The following NBPF15 variants were observed in gnomAD, a reference collection of about 807,000 sequenced individuals.
The protein encoded by NBPF15 is NBPF member 15.
A neutral mutation model predicts 62.2 loss-of-function variants in NBPF15; 74 were observed. The observed-to-expected ratio is 1.19, with a 90% CI of 0.99 to 1.44. The LOEUF (loss-of-function observed/expected upper bound fraction) is 1.44, where lower values mean the gene tolerates loss of function less well. NBPF15 is among the 40% of genes most tolerant of loss of function. The pLI is 0.00. For synonymous variants in NBPF15, 244 were observed against 209.7 expected, an observed-to-expected ratio of 1.16 and a Z score of -1.41; for missense variants, 790 against 550.0, an observed-to-expected ratio of 1.44 and a Z score of -4.36.
chr1:144,452,182 G>T (rs182324084), intron 4 of NBPF15, among the ~76,000 whole-genome samples: 1 of 151,856 alleles, frequency 6.6e-6, no homozygotes, highest in African/African-American at 2.4e-5. Flanking sequence ...AAATAAAGAC[G>T]GTTCACTACT....
chr1:144,436,618 C>A (rs1402862209), intron 10 of NBPF15, among the ~76,000 whole-genome samples: 2 of 152,046 alleles, frequency 1.3e-5, no homozygotes, highest in Non-Finnish European at 2.9e-5. Context: ...CTGCTCCCAT[C>A]GCAGCCTCCT....
In NBPF15 at chr1:144,426,441, C is replaced by G; in HGVS notation, c.1275G>C (p.Arg425Ser). Residue 425 changes from arginine to serine, a missense_variant, in exon 18 of 22, where the codon AGG becomes AGC. Transcript: ENST00000581897. ...DQDPSCPRLS[R>S]ELLDEKEPEV... ...CAGGCTCTTTCTCATCCAGCAGCTCCCTGCTGAGCCTGGAAAAGTAGGAAA... is the reference window on the plus strand; with the variant it reads ...CAGGCTCTTTCTCATCCAGCAGCTCGCTGCTGAGCCTGGAAAAGTAGGAAA... 1 of 789,766 alleles carries G rather than the reference C, an allele frequency of 1.3e-6. No homozygotes were observed. 48.9% of individuals were successfully genotyped at this position (789,766 alleles called of 1,614,324 possible). A position where few individuals can be genotyped will look rare whatever the true frequency, so the allele number is the denominator to read the frequency against.
intron 14 of NBPF15, among the ~76,000 whole-genome samples, chr1:144,429,271 A>G (rs1289147432): frequency 6.7e-6 from 1 of 148,838 alleles, no homozygotes; most frequent in Non-Finnish European, 1.5e-5. Flanking sequence ...TGAGAAGTAG[A>G]CAAGGGTGAC....
intron 1 of NBPF15, 86 bp downstream of exon 1, chr1:144,461,295 A>ACCCCCCCC (rs1406971845): frequency 1.6e-4 from 15 of 94,498 alleles, no homozygotes; most frequent in Non-Finnish European, 2.5e-4. Flanking sequence ...CCAACCCCCC[A>ACCCCCCCC]CCCCGCCTCG....
At chr1:144,445,343 A>ATG (rs1164543049) in intron 6 of NBPF15, among the ~76,000 whole-genome samples, 4 of 124,742 alleles carry the variant, frequency 3.2e-5, no homozygotes, top group African/African-American at 1.3e-4. Context: ...ATATATATAT[A>ATG]TATATATATA....
At position 144,426,313 on chromosome 1, in the gene NBPF15, T is replaced by A; in HGVS notation, c.1403A>T (p.Glu468Val). 2.7e-6 allele frequency: 2 copies of A among 734,982 alleles called. No individual in the cohort carries two copies. The highest frequency in any genetic ancestry group is 2.5e-6 in the Non-Finnish European group (1 of 398,276). The allele number at this position is 734,982 out of a possible 1,614,324, so 45.5% of individuals were successfully genotyped here. ...QPYSSAVYSL[E>V]EQYLGLALDV... ...AAGAGCCAAGCCAAGGTACTGTTCC[T>A]CCAATGAGTAAACAGCACTGCTGTA... The change falls in exon 18 of 22, where the codon GAG becomes GTG. Residue 468 changes from glutamate to valine, a missense_variant. Coordinates refer to ENST00000581897, the MANE Select transcript of NBPF15 (RefSeq NM_001385408.1).
intron 10 of NBPF15, among the ~76,000 whole-genome samples, chr1:144,436,195 A>T (rs1443471302): frequency 1.3e-5 from 2 of 152,024 alleles, no homozygotes; most frequent in East Asian, 3.9e-4. Flanking sequence ...GTCCCGTCAC[A>T]GTTTGCATTT....
rs1169250158 is a variant in NBPF15, at chr1:144,427,805, G to A, written c.1213+13C>T. On this transcript the variant is annotated intron_variant, in intron 16 of 21. Coordinates refer to ENST00000581897, the MANE Select transcript of NBPF15 (RefSeq NM_001385408.1). ...TCAGTGGATCCTTATCACCTTCATA[G>A]AAAGGTACTCACCATCCATGTCAAT... 2.9e-6 allele frequency: 2 copies of A among 690,918 alleles called. No homozygotes were observed. The highest frequency in any genetic ancestry group is 5.3e-6 in the Non-Finnish European group (2 of 378,398). The allele number at this position is 690,918 out of a possible 1,614,324, so 42.8% of individuals were successfully genotyped here.
chr1:144,436,504 G>A (rs1165797621), intron 10 of NBPF15, among the ~76,000 whole-genome samples: 1 of 151,928 alleles, frequency 6.6e-6, no homozygotes, highest in Non-Finnish European at 1.5e-5. Context: ...GAGAAACTCA[G>A]GAAGGACAAG....
chr1:144,457,802 T>A (rs1553547445), intron 3 of NBPF15, among the ~76,000 whole-genome samples: 1 of 152,038 alleles, frequency 6.6e-6, no homozygotes, highest in South Asian at 2.1e-4. Flanking sequence ...TTATTAAAAC[T>A]AAAATGGCCA....
At chr1:144,438,746 G>T (rs1218467008) in intron 8 of NBPF15, among the ~76,000 whole-genome samples, 1 of 151,902 alleles carries the variant, frequency 6.6e-6, no homozygotes, top group Non-Finnish European at 1.5e-5. Flanking sequence ...TACAGAGGTA[G>T]GTATTATTGT....
chr1:144,426,283 A>C lies in NBPF15; in HGVS notation c.1433T>G (p.Val478Gly). The stretch of plus-strand genomic sequence containing the variant: ...CTTCACAGTAAGGTACTCACTGTCC[A>C]CGTCAAGAGCCAAGCCAAGGTACTG... ...EEQYLGLALDVDRIKKDQEEE... is the reference protein window; with the variant it reads ...EEQYLGLALDGDRIKKDQEEE... The change falls in exon 18 of 22, where the codon GTG becomes GGG. Residue 478 changes from valine to glycine, a missense_variant. By Grantham distance (109) the Val-to-Gly change is moderately radical. Coordinates refer to ENST00000581897, the MANE Select transcript of NBPF15 (RefSeq NM_001385408.1). 1 of 611,532 alleles carries C rather than the reference A, an allele frequency of 1.6e-6. No individual in the cohort carries two copies. The highest frequency in any genetic ancestry group is 2.9e-6 in the Non-Finnish European group (1 of 350,010). The allele number at this position is 611,532 out of a possible 1,614,324, so 37.9% of individuals were successfully genotyped here.
chr1:144,424,128 C>A (rs1352352457), intron 20 of NBPF15, among the ~76,000 whole-genome samples, 153 bp from the exon 21 acceptor site: 7 of 152,028 alleles, frequency 4.6e-5, no homozygotes, highest in Non-Finnish European at 1.0e-4. Flanking sequence ...GAAGGCTGGT[C>A]ATGATATAAA....
At chr1:144,441,379 C>A (rs587595538) in intron 6 of NBPF15, among the ~76,000 whole-genome samples, 1 of 151,838 alleles carries the variant, frequency 6.6e-6, no homozygotes, top group Non-Finnish European at 1.5e-5. Context: ...TAGTGATATC[C>A]TAAAATTTGG....
rs1457697935 is a variant in NBPF15 at position 144,423,098 on chromosome 1, G to T, written c.1928C>A (p.Ala643Asp). The T allele has an allele frequency of 1.9e-6, 3 of 1,611,524 alleles. No homozygotes were observed. In the South Asian group the frequency reaches 3.3e-5, roughly 18 times the overall value. Residue 643 changes from alanine to aspartate, a missense_variant, in exon 22 of 22, where the codon GCC becomes GAC. Coordinates refer to ENST00000581897, the MANE Select transcript of NBPF15 (RefSeq NM_001385408.1). ...AAAAAACCTATTGTCCACGTAAAGG[G>T]CGAAGCTGATATGCTCTTCCTCAAA... ...YSFEEEHISF[A>D]LYVDNRFFTL...
chr1:144,423,425 C>A (rs1313157946), intron 21 of NBPF15, among the ~76,000 whole-genome samples, 169 bp from the exon 22 acceptor site: 15 of 151,194 alleles, frequency 9.9e-5, no homozygotes, highest in South Asian at 4.2e-4. Flanking sequence ...TAGAACAGGG[C>A]CAGGTAGAAA....
Position 144,439,938 on chromosome 1 carries a change from C to T in NBPF15, c.66G>A (p.Glu22=). 1 of 1,611,188 alleles carries T rather than the reference C, an allele frequency of 6.2e-7. No individual in the cohort carries two copies. Among genetic ancestry groups the T allele is most frequent in the Non-Finnish European group, 8.5e-7 (1 of 1,178,962 alleles). ...KAEMNILEIN[E]KLRPQLAEKK... Reference sequence around the variant, plus strand: ...TCTCTGCCAACTGGGGGCGCAATTTCTCATTGATTTCTAGAATGTTCATCT... The same window carrying T: ...TCTCTGCCAACTGGGGGCGCAATTTTTCATTGATTTCTAGAATGTTCATCT... Residue 22 remains glutamate (E), a synonymous_variant, in exon 8 of 22, where the codon GAG becomes GAA. Transcript: ENST00000581897.
chr1:144,461,426 T>G lies in NBPF15; in HGVS notation c.-983A>C, dbSNP rs587672940. ...GCGCCTTCACCTCGGAAACGCTGGG[T>G]GGACTTCGCTGTAAACCGTAACTTC... is the stretch of plus-strand genomic sequence containing the variant. On this transcript the variant is annotated 5_prime_UTR_variant, in exon 1 of 22. Coordinates refer to ENST00000581897, the MANE Select transcript of NBPF15 (RefSeq NM_001385408.1). 2.0e-5 allele frequency: 3 copies of G among 152,116 alleles called. No homozygotes were observed. The highest frequency in any genetic ancestry group is 4.1e-4 in the South Asian group (2 of 4,820). 9.4% of individuals were successfully genotyped at this position (152,116 alleles called of 1,614,324 possible).
At chr1:144,425,091 C>G (rs1167897892) in intron 19 of NBPF15, among the ~76,000 whole-genome samples, 3 of 146,880 alleles carry the variant, frequency 2.0e-5, no homozygotes, top group Non-Finnish European at 4.5e-5. Flanking sequence ...CACACACACA[C>G]ACACACACAC....
Sources: gnomAD v4.1 joint callset for allele counts (sites outside exome capture counted in the v4.1 genomes callset) on GRCh38, gnomAD v4.1.1 for gene constraint, MANE v1.5 for transcripts, NCBI Gene and HGNC (gene_info 2026-07-23, HGNC 2026-07-21) for gene names.